Variants in RETSAT observed in about 807,000 individuals in gnomAD.
RETSAT encodes all-trans-retinol 13,14-reductase.
RETSAT carries 35 observed loss-of-function variants against 61.6 expected under a neutral mutation model. That is an observed-to-expected ratio of 0.57 (90% CI 0.43 to 0.75). The LOEUF (loss-of-function observed/expected upper bound fraction) is 0.75. RETSAT is among the 30% of genes least tolerant of loss of function. The pLI is 0.00. For missense variants in RETSAT, 670 were observed against 759.5 expected (o/e 0.88, Z 1.38); for synonymous variants, 277 against 310.4 (o/e 0.89, Z 1.13).
chr2:85,342,963 C>T lies in RETSAT; in HGVS notation c.*279G>A, dbSNP rs1209089605. ...GGAGGCATGGGTGAGGGATGCAGAG[C>T]GCCGCTCGTCATGAGACATCAAGCT... On this transcript the variant is annotated 3_prime_UTR_variant, in exon 11 of 11. Coordinates refer to ENST00000295802, the MANE Select transcript of RETSAT (RefSeq NM_017750.4). The T allele has an allele frequency of 3.6e-5, 12 of 333,142 alleles. No homozygotes were observed. The highest frequency in any genetic ancestry group is 1.1e-4 in the East Asian group (2 of 18,556). 20.6% of individuals were successfully genotyped at this position (333,142 alleles called of 1,614,324 possible). A position where few individuals can be genotyped will look rare whatever the true frequency, so the allele number is the denominator to read the frequency against.
chr2:85,349,662 T>C (rs1027492406), intron 4 of RETSAT, 81 bp from the exon 5 acceptor site: 5 of 1,202,652 alleles, frequency 4.2e-6, no homozygotes, highest in Non-Finnish European at 6.1e-6. Flanking sequence ...TTCTGTGAGA[T>C]AACACACAGC....
rs754166012 is a variant in RETSAT at position 85,343,990 on chromosome 2, A to AC, written c.1533+8dup. 1.2e-5 allele frequency: 20 copies of AC among 1,613,200 alleles called. No individual in the cohort carries two copies. The South Asian group carries it at 2.2e-4, about 18-fold the overall frequency. The stretch of plus-strand genomic sequence containing the variant: ...GGTTCGTCACCACCCCAAATACTTT[A>AC]CCCCCTACCTTCCCCTCCAGCTGTG... On this transcript the variant is annotated intron_variant, in intron 9 of 10. Coordinates refer to ENST00000295802, the MANE Select transcript of RETSAT (RefSeq NM_017750.4).
chr2:85,349,185 C>T (rs555391194), intron 5 of RETSAT, among the ~76,000 whole-genome samples, 199 bp downstream of exon 5: 64 of 152,226 alleles, frequency 4.2e-4, no homozygotes, highest in African/African-American at 1.3e-3. Context: ...CCACTATGCC[C>T]GGCCAATCCT....
rs1349187471 is a variant in RETSAT at position 85,344,537 on chromosome 2, C to T, written c.1256+57G>A. On this transcript the variant is annotated intron_variant, in intron 7 of 10. Coordinates refer to ENST00000295802, the MANE Select transcript of RETSAT (RefSeq NM_017750.4). ...TCCCATTCCATAACCTCTGCTCATT[C>T]TCTGAGTCAAGCAGGGAGGCACGGG... 1.0e-5 allele frequency: 16 copies of T among 1,599,444 alleles called. No individual in the cohort carries two copies. The Middle Eastern group carries it at 1.5e-3, about 153-fold the overall frequency.
intron 4 of RETSAT, 80 bp downstream of exon 4, chr2:85,349,960 G>T: frequency 7.2e-7 from 1 of 1,386,356 alleles, no homozygotes; most frequent in Non-Finnish European, 1.0e-6. Context: ...AGCCAGGCAG[G>T]GTCGAGAAGA....
At chr2:85,354,313 G>A (rs759717160) in intron 1 of RETSAT, 23 bp downstream of exon 1, 1 of 1,613,520 alleles carries the variant, frequency 6.2e-7, no homozygotes, top group Non-Finnish European at 8.5e-7. Flanking sequence ...TGCAGCCCCG[G>A]ACCCCAGGGT....
chr2:85,344,839 GCCGGGCCCCT>G, intron 6 of RETSAT, 107 bp from the exon 7 acceptor site: 1 of 1,299,506 alleles, frequency 7.7e-7, no homozygotes, highest in Non-Finnish European at 1.1e-6. Flanking sequence ...CCTGAGGCAT[GCCGGGCCCCT>G]GGCCACTCTG....
intron 5 of RETSAT, 71 bp downstream of exon 5, chr2:85,349,313 T>A: frequency 1.3e-6 from 2 of 1,488,432 alleles, no homozygotes; most frequent in Non-Finnish European, 1.9e-6. Context: ...CCTTCTGGTC[T>A]CAGGGAGACC....
chr2:85,348,133 G>A (rs539439865), intron 5 of RETSAT, among the ~76,000 whole-genome samples: 3 of 152,152 alleles, frequency 2.0e-5, no homozygotes, highest in East Asian at 1.9e-4. Flanking sequence ...GTCCCTATGC[G>A]GGTTACAGCA....
chr2:85,345,817 T>A, intron 6 of RETSAT, 158 bp downstream of exon 6: 1 of 883,850 alleles, frequency 1.1e-6, no homozygotes, highest in Non-Finnish European at 1.9e-6. Flanking sequence ...ATGCTAGGGT[T>A]AGGATGATGT....
intron 4 of RETSAT, 120 bp downstream of exon 4, chr2:85,349,920 G>C: frequency 1.1e-6 from 1 of 927,238 alleles, no homozygotes; most frequent in South Asian, 1.6e-5. Context: ...GCTCCAGAGG[G>C]CCTGGGGTTT....
chr2:85,349,408 G>A lies in RETSAT; in HGVS notation c.973C>T (p.Leu325=), dbSNP rs1224931606. The A allele has an allele frequency of 6.2e-7, 1 of 1,614,100 alleles. No individual in the cohort carries two copies. Among genetic ancestry groups the A allele is most frequent in the South Asian group, 1.1e-5 (1 of 91,080 alleles). ...LTKATVQSVL[L]DSAGKACGVS... is the part of the protein sequence containing the mutation. ...CCACAGGCTTTCCCAGCTGAGTCCA[G>A]CAACACACTCTGCACAGTGGCCTTT... The change falls in exon 5 of 11, where the codon CTG becomes TTG. Residue 325 remains leucine, a synonymous_variant. Coordinates refer to ENST00000295802, the MANE Select transcript of RETSAT (RefSeq NM_017750.4).
chr2:85,343,663 G>A lies in RETSAT; in HGVS notation c.1669C>T (p.Pro557Ser), dbSNP rs781363557. The A allele has an allele frequency of 4.8e-5, 78 of 1,613,898 alleles. No homozygotes were observed. The highest frequency in any genetic ancestry group is 6.1e-5 in the Non-Finnish European group (72 of 1,179,994). ...CCTGTCAGATAGAGGTTGGGGATGG[G>A]GCTCTGGGCCCTCAAGGAGGCCATC... Reference protein sequence around the residue: ...CVMASLRAQSPIPNLYLTGQD... With the variant: ...CVMASLRAQSSIPNLYLTGQD... Residue 557 changes from proline (P) to serine (S), a missense_variant, in exon 10 of 11, where the codon CCC becomes TCC. Physicochemically the swap from Pro to Ser is moderately conservative, Grantham distance 74. Coordinates refer to ENST00000295802, the MANE Select transcript of RETSAT (RefSeq NM_017750.4).
intron 2 of RETSAT, 149 bp downstream of exon 2, chr2:85,351,529 ACT>A: frequency 1.3e-6 from 1 of 750,440 alleles, no homozygotes; most frequent in East Asian, 2.7e-5. Flanking sequence ...ATGAAGTGAG[ACT>A]CTGTCTGAAA....
chr2:85,354,513 C>A lies in RETSAT; in HGVS notation c.-6G>T. On this transcript the variant is annotated 5_prime_UTR_variant, in exon 1 of 11. Coordinates refer to ENST00000295802, the MANE Select transcript of RETSAT (RefSeq NM_017750.4). The stretch of plus-strand genomic sequence containing the variant: ...AGCACCAGCGGAAGCCACATCACGC[C>A]GGCGTCGGGTCGGGTAAATGGGACA... 1 of 1,603,742 alleles carries A rather than the reference C, an allele frequency of 6.2e-7. No homozygotes were observed. The highest frequency in any genetic ancestry group is 8.5e-7 in the Non-Finnish European group (1 of 1,174,634).
intron 2 of RETSAT, chr2:85,351,434 G>A (rs981237985): frequency 6.3e-6 from 3 of 479,666 alleles, no homozygotes; most frequent in South Asian, 5.9e-5. Flanking sequence ...CCAGCCACTC[G>A]GGAGACTGAG....
chr2:85,351,063 G>A, intron 2 of RETSAT, 42 bp from the exon 3 acceptor site: 1 of 1,608,780 alleles, frequency 6.2e-7, no homozygotes, highest in Non-Finnish European at 8.5e-7. Flanking sequence ...GGGATATGGG[G>A]ATTGAGCCCT....
intron 1 of RETSAT, among the ~76,000 whole-genome samples, chr2:85,353,053 T>A (rs148839148): frequency 2.0e-5 from 3 of 152,274 alleles, no homozygotes; most frequent in East Asian, 1.9e-4. Context: ...TAAAAAAAAA[T>A]TTCACATGTA....
Position 85,342,171 on chromosome 2 carries a change from T to C in RETSAT, c.*1071A>G, listed in dbSNP as rs999939. 29,698 of 203,812 alleles carry C rather than the reference T, an allele frequency of 0.15. 2,368 individuals carry two copies. The highest frequency in any genetic ancestry group is 0.29 in the East Asian group (2,089 of 7,256). 12.6% of individuals were successfully genotyped at this position (203,812 alleles called of 1,614,324 possible). The stretch of plus-strand genomic sequence containing the variant: ...ACAAAGAGACCTTTCGTATGTCTGA[T>C]ACCAAAGACATAACTGAAAAGTCAT... On this transcript the variant is annotated 3_prime_UTR_variant, in exon 11 of 11. Transcript: ENST00000295802.
Sources: allele counts gnomAD v4.1 joint callset (sites outside exome capture counted in the v4.1 genomes callset), GRCh38; gene constraint gnomAD v4.1.1; transcripts MANE v1.5; gene names NCBI Gene and HGNC (gene_info 2026-07-23, HGNC 2026-07-21).